The following ASTN2 variants were observed in gnomAD, a reference collection of about 807,000 sequenced individuals.
ASTN2 encodes astrotactin 2.
In ASTN2, 54 loss-of-function variants were observed where a neutral mutation model predicts 139.8. The ratio of observed to expected loss-of-function variants is 0.39; its 90% CI spans 0.31 to 0.48. The LOEUF is 0.48. Ranked by LOEUF, ASTN2 falls within the 20% of genes least tolerant of loss-of-function variation. The pLI is 0.95. For synonymous variants in ASTN2, 756 were observed against 719.5 expected, an observed-to-expected ratio of 1.05 and a Z score of -0.81; for missense variants, 1,565 against 1,725.1, an observed-to-expected ratio of 0.91 and a Z score of 1.64.
intron 1 of ASTN2, among the ~76,000 whole-genome samples, chr9:117,315,598 C>T (rs139207934): frequency 1.7e-4 from 26 of 152,242 alleles, no homozygotes; most frequent in African/African-American, 4.8e-4. Context: ...TTCTGACATA[C>T]AGCAGTTCTC....
At chr9:117,263,667 C>T (rs1833875977) in intron 2 of ASTN2, among the ~76,000 whole-genome samples, 2 of 152,182 alleles carry the variant, frequency 1.3e-5, no homozygotes, top group African/African-American at 2.4e-5. Flanking sequence ...ATCTTCACTT[C>T]TCCAGGTTAA....
chr9:117,075,498 GGGAGGGGGAGGA>G lies in ASTN2; in HGVS notation c.1276+20534_1276+20545del, dbSNP rs201324172. Among the ~76,000 whole-genome samples the G allele has an allele frequency of 7.9e-3, 1,200 of 151,984 alleles. 8 individuals carry two copies. The highest frequency in any genetic ancestry group is 0.013 in the Non-Finnish European group (863 of 67,972). On this transcript the variant is annotated intron_variant, in intron 5 of 22. Transcript: ENST00000313400. ...AGTGGTGGGCAGATGGAGGGGAAGG[GGGAGGGGGAGGA>G]GGAGGAGGGGGCAGGCTGATTGTCT...
At chr9:116,449,581 A>T (rs982929001) in intron 20 of ASTN2, among the ~76,000 whole-genome samples, 1 of 152,178 alleles carries the variant, frequency 6.6e-6, no homozygotes, top group African/African-American at 2.4e-5. Flanking sequence ...AATGGCTTTA[A>T]AACAAGACCC....
intron 8 of ASTN2, 21 bp from the exon 9 acceptor site, chr9:116,976,209 G>A (rs1206962535): frequency 3.7e-6 from 6 of 1,606,638 alleles, no homozygotes; most frequent in Non-Finnish European, 5.1e-6. Context: ...AAGGAGAGGG[G>A]AGAGAAGATG....
intron 2 of ASTN2, among the ~76,000 whole-genome samples, chr9:117,233,331 G>C (rs977034072): frequency 2.0e-5 from 3 of 152,172 alleles, no homozygotes; most frequent in Non-Finnish European, 4.4e-5. Context: ...ACTTAATCCT[G>C]TTAATGAGAT....
rs1450003920 is a variant in ASTN2 at position 116,424,583 on chromosome 9, C to T, written c.*1268G>A. On this transcript the variant is annotated 3_prime_UTR_variant, in exon 23 of 23. Transcript: ENST00000313400. ...TTGTTCATATCTCTTCTTCCTGGAGCAAATTCCATCTTTTTTTTTTTTTTT... is the reference window on the plus strand; with the variant it reads ...TTGTTCATATCTCTTCTTCCTGGAGTAAATTCCATCTTTTTTTTTTTTTTT... Among the ~76,000 whole-genome samples, 4 of 128,890 alleles carry T rather than the reference C, an allele frequency of 3.1e-5. No homozygotes were observed. In the East Asian group the frequency reaches 9.5e-4, roughly 30 times the overall value. The allele number at this position is 128,890 out of a possible 152,430, so 84.6% of individuals were successfully genotyped here. A position where few individuals can be genotyped will look rare whatever the true frequency, so the allele number is the denominator to read the frequency against.
chr9:117,302,244 C>T (rs1225314528), intron 1 of ASTN2, among the ~76,000 whole-genome samples: 2 of 152,060 alleles, frequency 1.3e-5, no homozygotes, highest in African/African-American at 2.4e-5. Flanking sequence ...CCTACAGCAA[C>T]GATCTGGAAT....
At position 117,262,600 on chromosome 9, in the gene ASTN2, C is replaced by A. The variant is rs950625659; in HGVS notation, c.630+28726G>T. ...TGGCCAACTGGAGCATTGCAGTGAA[C>A]TTTTTAGGGTTTGTATTAACAGCAG... On this transcript the variant is annotated intron_variant, in intron 2 of 22. Coordinates refer to ENST00000313400, the MANE Select transcript of ASTN2 (RefSeq NM_001365068.1). 4.6e-5 allele frequency among the ~76,000 whole-genome samples: 7 copies of A among 151,968 alleles called. No individual in the cohort carries two copies. The South Asian group carries it at 6.2e-4, about 14-fold the overall frequency.
At chr9:116,512,459 T>C (rs10983203) in intron 19 of ASTN2, among the ~76,000 whole-genome samples, 48,056 of 152,090 alleles carry the variant, frequency 0.32, 8,895 homozygotes, top group Admixed American at 0.44. Context: ...GATGTGGTGC[T>C]GAGAAGAATG....
chr9:117,367,491 G>T (rs1829875036), intron 1 of ASTN2, among the ~76,000 whole-genome samples: 1 of 152,092 alleles, frequency 6.6e-6, no homozygotes, highest in African/African-American at 2.4e-5. Context: ...ATCCTCTGGG[G>T]GTCATGGTAA....
intron 19 of ASTN2, among the ~76,000 whole-genome samples, chr9:116,550,492 G>T (rs990091668): frequency 2.6e-5 from 4 of 152,142 alleles, no homozygotes; most frequent in Non-Finnish European, 5.9e-5. Context: ...GCCTGGAGTG[G>T]TCTTCAGAAA....
At chr9:116,632,142 G>GAGAGAGAGAC (rs1856778154) in intron 17 of ASTN2, among the ~76,000 whole-genome samples, 2 of 79,710 alleles carry the variant, frequency 2.5e-5, no homozygotes, top group Non-Finnish European at 4.8e-5. Context: ...GAGAGAGAGA[G>GAGAGAGAGAC]AGAGAGAGAG....
At chr9:117,327,633 C>T (rs1223088655) in intron 1 of ASTN2, among the ~76,000 whole-genome samples, 1 of 152,054 alleles carries the variant, frequency 6.6e-6, no homozygotes, top group Non-Finnish European at 1.5e-5. Flanking sequence ...ACTGGTGTGT[C>T]TGGGGAAGAT....
chr9:117,170,276 C>T (rs1480754420), intron 3 of ASTN2, among the ~76,000 whole-genome samples: 1 of 152,034 alleles, frequency 6.6e-6, no homozygotes, highest in Non-Finnish European at 1.5e-5. Flanking sequence ...ATACAATGTG[C>T]TTGTATATCA....
At chr9:116,501,276 C>G (rs1233456497) in intron 19 of ASTN2, among the ~76,000 whole-genome samples, 1 of 152,154 alleles carries the variant, frequency 6.6e-6, no homozygotes, top group African/African-American at 2.4e-5. Flanking sequence ...TCATCCATGT[C>G]CCTACAAAGG....
At chr9:117,327,777 A>G (rs1828566159) in intron 1 of ASTN2, among the ~76,000 whole-genome samples, 1 of 152,202 alleles carries the variant, frequency 6.6e-6, no homozygotes, top group African/African-American at 2.4e-5. Flanking sequence ...TGCAACAAGC[A>G]TCATGTTACA....
intron 19 of ASTN2, among the ~76,000 whole-genome samples, chr9:116,614,349 C>A (rs1469221818): frequency 6.6e-6 from 1 of 152,182 alleles, no homozygotes; most frequent in Admixed American, 6.5e-5. Context: ...CAATGACTTT[C>A]TTCACAGAAT....
intron 20 of ASTN2, 101 bp downstream of exon 20, chr9:116,487,258 A>G: frequency 1.4e-6 from 2 of 1,435,060 alleles, no homozygotes; most frequent in South Asian, 2.8e-5. Flanking sequence ...GCTAGCTAAT[A>G]AAACATTTGG....
At chr9:117,403,024 A>G (rs1245362401) in intron 1 of ASTN2, among the ~76,000 whole-genome samples, 1 of 152,194 alleles carries the variant, frequency 6.6e-6, no homozygotes, top group African/African-American at 2.4e-5. Context: ...CGAGGGAGGA[A>G]AGGAACATTG....
Sources: gnomAD v4.1 joint callset for allele counts (sites outside exome capture counted in the v4.1 genomes callset) on GRCh38, gnomAD v4.1.1 for gene constraint, MANE v1.5 for transcripts, NCBI Gene and HGNC (gene_info 2026-07-23, HGNC 2026-07-21) for gene names.